The following TMEM114 variants were observed in gnomAD, a reference collection of about 807,000 sequenced individuals.
TMEM114 encodes the protein transmembrane protein 114, also known as claudin-26.
In TMEM114, 6 loss-of-function variants were observed where a neutral mutation model predicts 6.2. The observed-to-expected ratio is 0.97, with a 90% CI of 0.53 to 1.91. The LOEUF (loss-of-function observed/expected upper bound fraction) is 1.91. Among genes scored for constraint, TMEM114 ranks in the 40% most tolerant of loss-of-function variants. The pLI is 0.01. For missense variants in TMEM114, 218 were observed against 158.3 expected (o/e 1.38, Z -2.02); for synonymous variants, 104 against 73.0 (o/e 1.42, Z -2.16).
chr16:8,579,757 A>G (rs1021756141), intron 2 of TMEM114, among the ~76,000 whole-genome samples: 3 of 152,124 alleles, frequency 2.0e-5, no homozygotes, highest in African/African-American at 7.2e-5. Context: ...TTCCCATTTC[A>G]CAGGTGGGAA....
intron 2 of TMEM114, among the ~76,000 whole-genome samples, chr16:8,549,136 C>T (rs1190597451): frequency 3.5e-5 from 5 of 142,234 alleles, no homozygotes; most frequent in Non-Finnish European, 7.5e-5. Context: ...GAGCCGAGAT[C>T]GTACCACTGC....
chr16:8,578,703 G>A (rs764683480), intron 2 of TMEM114, among the ~76,000 whole-genome samples: 5 of 152,106 alleles, frequency 3.3e-5, no homozygotes, highest in African/African-American at 7.2e-5. Flanking sequence ...TGTTGGCTGG[G>A]TGTGGTGGCC....
chr16:8,571,749 A>C (rs1901741498), intron 3 of TMEM114, among the ~76,000 whole-genome samples: 1 of 152,202 alleles, frequency 6.6e-6, no homozygotes, highest in Non-Finnish European at 1.5e-5. Flanking sequence ...TCAGCAGAAT[A>C]GAGCGAGGGT....
chr16:8,529,474 G>C, the TMEM114 span, among the ~76,000 whole-genome samples: 1 of 152,194 alleles, frequency 6.6e-6, no homozygotes, highest in Non-Finnish European at 1.5e-5. Context: ...ACATGGAGAA[G>C]TGGACAGGGA....
chr16:8,567,117 C>T (rs954641466), downstream of TMEM114, among the ~76,000 whole-genome samples: 2 of 151,008 alleles, frequency 1.3e-5, no homozygotes, highest in South Asian at 2.1e-4. Flanking sequence ...CCATGTTGGC[C>T]AGGCTAGTTT....
chr16:8,541,889 G>C (rs546837006), intron 2 of TMEM114, among the ~76,000 whole-genome samples: 1 of 152,124 alleles, frequency 6.6e-6, no homozygotes, highest in Non-Finnish European at 1.5e-5. Flanking sequence ...GGCTTACAAA[G>C]ACGTAGCACA....
intron 2 of TMEM114, among the ~76,000 whole-genome samples, chr16:8,577,777 G>C (rs970476998): frequency 6.6e-6 from 1 of 151,976 alleles, no homozygotes. Flanking sequence ...AGTAGAGACG[G>C]CATTTCACCA....
At chr16:8,582,341 C>G (rs961418643) in intron 2 of TMEM114, among the ~76,000 whole-genome samples, 1 of 152,144 alleles carries the variant, frequency 6.6e-6, no homozygotes, top group Non-Finnish European at 1.5e-5. Context: ...ACACCACCCT[C>G]CAGAAACACC....
chr16:8,549,214 C>A (rs181152711), intron 2 of TMEM114, among the ~76,000 whole-genome samples: 2 of 142,700 alleles, frequency 1.4e-5, no homozygotes, highest in East Asian at 2.2e-4. Flanking sequence ...AATGCATGAT[C>A]TCAGGTTGGG....
At chr16:8,546,884 C>G (rs541314667) in intron 2 of TMEM114, among the ~76,000 whole-genome samples, 9 of 152,332 alleles carry the variant, frequency 5.9e-5, no homozygotes, top group South Asian at 2.1e-4. Flanking sequence ...ATGGCAAGCT[C>G]TGAATAAATA....
chr16:8,576,967 A>G (rs1275600202), intron 2 of TMEM114, among the ~76,000 whole-genome samples: 2 of 152,214 alleles, frequency 1.3e-5, no homozygotes, highest in Non-Finnish European at 2.9e-5. Context: ...GTCAATTCAG[A>G]GATGCCAGGC....
At chr16:8,565,397 A>C (rs1901507329), downstream of TMEM114, among the ~76,000 whole-genome samples, 1 of 152,152 alleles carries the variant, frequency 6.6e-6, no homozygotes, top group South Asian at 2.1e-4. Context: ...TCTTTGCCAG[A>C]TAGAGCGCCT....
intron 2 of TMEM114, among the ~76,000 whole-genome samples, chr16:8,563,750 T>G (rs1259271370): frequency 6.1e-5 from 9 of 147,910 alleles, no homozygotes; most frequent in African/African-American, 1.8e-4. Context: ...AATGAGTCAG[T>G]GAATAAGTGA....
At chr16:8,555,070 C>A (rs777793503) in intron 2 of TMEM114, among the ~76,000 whole-genome samples, 2 of 152,338 alleles carry the variant, frequency 1.3e-5, no homozygotes, top group South Asian at 4.1e-4. Flanking sequence ...CCTCCCAGGT[C>A]TCTCCTTCAC....
At chr16:8,561,795 A>T (rs1304293062) in intron 2 of TMEM114, among the ~76,000 whole-genome samples, 1 of 151,932 alleles carries the variant, frequency 6.6e-6, no homozygotes, top group African/African-American at 2.4e-5. Flanking sequence ...ATCAGTGAAT[A>T]GTGAATGAGT....
At chr16:8,548,742 T>C (rs868517087) in intron 2 of TMEM114, among the ~76,000 whole-genome samples, 1 of 141,812 alleles carries the variant, frequency 7.1e-6, no homozygotes, top group African/African-American at 2.8e-5. Flanking sequence ...GAAAATACTT[T>C]GTTTTACTTT....
intron 2 of TMEM114, among the ~76,000 whole-genome samples, chr16:8,578,466 G>C (rs980936995): frequency 6.6e-6 from 1 of 152,108 alleles, no homozygotes; most frequent in Non-Finnish European, 1.5e-5. Context: ...ATAGGATTTA[G>C]GGCCCACCAA....
At chr16:8,588,011 T>C (rs931954707) in intron 2 of TMEM114, among the ~76,000 whole-genome samples, 39 of 151,642 alleles carry the variant, frequency 2.6e-4, no homozygotes, top group African/African-American at 8.7e-4. Context: ...CTGATACCAA[T>C]GCAGTGGCTC....
intron 2 of TMEM114, among the ~76,000 whole-genome samples, chr16:8,543,796 A>G (rs1216595773): frequency 2.6e-5 from 4 of 152,214 alleles, no homozygotes; most frequent in African/African-American, 4.8e-5. Context: ...AATGTCTAGG[A>G]TAGAAAATGT....
Sources: gnomAD v4.1 joint callset for allele counts (sites outside exome capture counted in the v4.1 genomes callset) on GRCh38, gnomAD v4.1.1 for gene constraint, MANE v1.5 for transcripts, NCBI Gene and HGNC (gene_info 2026-07-23, HGNC 2026-07-21) for gene names.